Variants in MAK observed in about 807,000 individuals in gnomAD.
MAK encodes the protein male germ cell associated kinase.
Under a neutral mutation model 82.6 loss-of-function variants are expected in MAK, and 65 were observed. The ratio of observed to expected loss-of-function variants is 0.79; its 90% CI spans 0.64 to 0.97. The LOEUF is 0.97. Ranked by LOEUF, MAK falls within the 50% of genes least tolerant of loss-of-function variation. The pLI is 0.00. For synonymous variants in MAK, 250 were observed against 274.2 expected (o/e 0.91, Z 0.87); for missense variants, 703 against 780.2 (o/e 0.90, Z 1.18).
chr6:10,790,710 G>A (rs375788008), intron 10 of MAK, among the ~76,000 whole-genome samples: 115 of 152,324 alleles, frequency 7.5e-4, no homozygotes, highest in African/African-American at 2.6e-3. Flanking sequence ...TCATTCACAA[G>A]AGCATCGTAA....
chr6:10,825,417 G>A (rs901751304), intron 2 of MAK, among the ~76,000 whole-genome samples: 7 of 150,920 alleles, frequency 4.6e-5, no homozygotes. Context: ...AGACTTTTTT[G>A]TAAGATCCTA....
chr6:10,806,334 T>TTTTTTGTTTTTG (rs1776449018), intron 6 of MAK, among the ~76,000 whole-genome samples: 3 of 148,322 alleles, frequency 2.0e-5, no homozygotes, highest in East Asian at 4.0e-4. Flanking sequence ...CCTGGCTAAT[T>TTTTTTGTTTTTG]TTTTTTGTTT....
chr6:10,790,655 C>G (rs974067904), intron 10 of MAK, among the ~76,000 whole-genome samples: 3 of 152,212 alleles, frequency 2.0e-5, no homozygotes, highest in Non-Finnish European at 4.4e-5. Flanking sequence ...TGGTGCTCTA[C>G]TTCCTGCAAC....
At position 10,780,312 on chromosome 6, in the gene MAK, G is replaced by C. The variant is rs569521829; in HGVS notation, c.1465+4112C>G. Reference sequence around the variant, plus strand: ...AACAGGTCTCAGAAAACCACATTAGGAAGCAGAACTATGAAAACAGGGTGC... The same window carrying C: ...AACAGGTCTCAGAAAACCACATTAGCAAGCAGAACTATGAAAACAGGGTGC... On this transcript the variant is annotated intron_variant, in intron 11 of 14. Coordinates refer to ENST00000354489, the MANE Select transcript of MAK (RefSeq NM_001242957.3). 4.5e-6 allele frequency: 4 copies of C among 879,192 alleles called. No homozygotes were observed. The African/African-American group carries it at 7.3e-5, about 16-fold the overall frequency. 54.5% of individuals were successfully genotyped at this position (879,192 alleles called of 1,614,324 possible).
chr6:10,768,985 G>A (rs1772731578), intron 14 of MAK, among the ~76,000 whole-genome samples: 1 of 152,186 alleles, frequency 6.6e-6, no homozygotes, highest in Non-Finnish European at 1.5e-5. Flanking sequence ...CAAGGTGGGA[G>A]GATTGCTTGC....
intron 14 of MAK, among the ~76,000 whole-genome samples, chr6:10,768,732 G>A (rs1232903362): frequency 2.6e-5 from 4 of 152,128 alleles, no homozygotes; most frequent in Non-Finnish European, 4.4e-5. Flanking sequence ...TCACAGATAA[G>A]GTAACTGTAG....
intron 5 of MAK, among the ~76,000 whole-genome samples, chr6:10,811,382 C>T (rs1033497891): frequency 1.2e-4 from 19 of 152,272 alleles, no homozygotes; most frequent in African/African-American, 4.6e-4. Flanking sequence ...TTCGTAAAAA[C>T]GTCTAATCAT....
intron 5 of MAK, among the ~76,000 whole-genome samples, chr6:10,811,080 T>A (rs1167917208): frequency 6.6e-6 from 1 of 152,066 alleles, no homozygotes; most frequent in Non-Finnish European, 1.5e-5. Flanking sequence ...CTCACTGTAA[T>A]CTCCGCCTCC....
intron 14 of MAK, among the ~76,000 whole-genome samples, chr6:10,764,920 C>T (rs1772257242): frequency 6.6e-6 from 1 of 151,970 alleles, no homozygotes; most frequent in South Asian, 2.1e-4. Context: ...TGGTGAAACC[C>T]TGTCTCTACT....
At chr6:10,816,652 T>C (rs1220845458) in intron 4 of MAK, among the ~76,000 whole-genome samples, 1 of 152,148 alleles carries the variant, frequency 6.6e-6, no homozygotes, top group Non-Finnish European at 1.5e-5. Context: ...CACAATTTGG[T>C]TTGTTTTTTC....
At chr6:10,815,945 T>TATATATAA (rs1171616235) in intron 4 of MAK, among the ~76,000 whole-genome samples, 17 of 116,856 alleles carry the variant, frequency 1.5e-4, no homozygotes, top group East Asian at 6.9e-4. Context: ...TATATATATA[T>TATATATAA]ATGTATGTTT....
chr6:10,807,807 T>TA, intron 6 of MAK, among the ~76,000 whole-genome samples: 2 of 151,114 alleles, frequency 1.3e-5, no homozygotes, highest in South Asian at 2.1e-4. Flanking sequence ...CTCACGCCTG[T>TA]AATCCCAGCA....
At chr6:10,818,800 T>C in intron 3 of MAK, 86 bp downstream of exon 3, 1 of 766,598 alleles carries the variant, frequency 1.3e-6, no homozygotes, top group East Asian at 2.6e-5. Context: ...TTCAGAATGC[T>C]TCCCACAGAG....
chr6:10,837,196 T>C (rs1327667883), intron 1 of MAK, among the ~76,000 whole-genome samples: 2 of 152,056 alleles, frequency 1.3e-5, no homozygotes, highest in African/African-American at 4.8e-5. Context: ...AAAAGAGTAA[T>C]TAACGTTTTA....
At chr6:10,778,988 C>T (rs976173146) in intron 11 of MAK, among the ~76,000 whole-genome samples, 3 of 151,808 alleles carry the variant, frequency 2.0e-5, no homozygotes, top group African/African-American at 7.3e-5. Context: ...ATTAGCTGGG[C>T]ATGGTGGCGT....
chr6:10,783,802 C>T (rs1242391025), intron 11 of MAK, among the ~76,000 whole-genome samples: 1 of 152,156 alleles, frequency 6.6e-6, no homozygotes, highest in Non-Finnish European at 1.5e-5. Flanking sequence ...GGGCGGATCA[C>T]AAGGTCAGGA....
At chr6:10,837,972 A>G (rs1779265384) in intron 1 of MAK, 1 of 152,326 alleles carries the variant, frequency 6.6e-6, no homozygotes, top group Admixed American at 6.5e-5. Flanking sequence ...TTTGGGATGC[A>G]CCAGCGAGGG....
Position 10,796,157 on chromosome 6 carries a change from G to A in MAK, c.984C>T (p.Ile328=), listed in dbSNP as rs767830843. The change falls in exon 9 of 15, where the codon ATC becomes ATT. Residue 328 remains isoleucine (I), a synonymous_variant. Transcript: ENST00000354489. ...EVEPKPLPDI[I]DQVVGQPQPK... ...GCTGGGGTTGTCCAACAACCTGATCGATTATATCCGGCAGAGGCTTAGGCT... is the reference window on the plus strand; with the variant it reads ...GCTGGGGTTGTCCAACAACCTGATCAATTATATCCGGCAGAGGCTTAGGCT... 2.4e-5 allele frequency: 38 copies of A among 1,614,020 alleles called. No individual in the cohort carries two copies. The East Asian group carries it at 3.1e-4, about 13-fold the overall frequency.
At chr6:10,832,822 G>T (rs1011864771) in intron 1 of MAK, among the ~76,000 whole-genome samples, 2 of 152,112 alleles carry the variant, frequency 1.3e-5, no homozygotes, top group African/African-American at 2.4e-5. Flanking sequence ...TTTAAATTAA[G>T]GTATGTATGT....
Sources: allele counts gnomAD v4.1 joint callset (sites outside exome capture counted in the v4.1 genomes callset), GRCh38; gene constraint gnomAD v4.1.1; transcripts MANE v1.5; gene names NCBI Gene and HGNC (gene_info 2026-07-23, HGNC 2026-07-21).